The following DAAM1 variants were observed in gnomAD, a reference collection of about 807,000 sequenced individuals.
DAAM1 encodes the protein disheveled-associated activator of morphogenesis 1.
DAAM1 carries 52 observed loss-of-function variants against 130.0 expected under a neutral mutation model. The ratio of observed to expected loss-of-function variants is 0.40; its 90% CI spans 0.32 to 0.50. DAAM1 has a LOEUF of 0.50. DAAM1 is among the 20% of genes least tolerant of loss of function. The pLI, the probability that DAAM1 is intolerant of heterozygous loss-of-function variation, is 0.61. For missense variants in DAAM1, 1,134 were observed against 1,303.8 expected (o/e 0.87, Z 2.01); for synonymous variants, 452 against 444.5 (o/e 1.02, Z -0.21).
intron 1 of DAAM1, among the ~76,000 whole-genome samples, chr14:59,227,112 A>G (rs1259199931): frequency 7.2e-5 from 11 of 152,214 alleles, no homozygotes. Context: ...TAAAATGATT[A>G]TATGGTATAC....
rs537964605 is a variant in DAAM1, at chr14:59,361,841, G to A, written c.2694+979G>A. ...CAGCTTGGAAAGGTGCCTCTCATAA[G>A]TATCCTTCAGATCATTTATCAGTAA... On this transcript the variant is annotated intron_variant, in intron 22 of 24. Transcript: ENST00000360909. Among the ~76,000 whole-genome samples, 667 of 152,298 alleles carry A rather than the reference G, an allele frequency of 4.4e-3. 2 individuals carry two copies. The highest frequency in any genetic ancestry group is 0.015 in the African/African-American group (628 of 41,554).
intron 19 of DAAM1, among the ~76,000 whole-genome samples, chr14:59,354,537 A>G (rs1346258717): frequency 1.3e-5 from 2 of 152,176 alleles, no homozygotes; most frequent in Non-Finnish European, 2.9e-5. Flanking sequence ...AGTTAATCTC[A>G]CTGCTACTAG....
chr14:59,284,361 A>C (rs530802652), intron 2 of DAAM1, among the ~76,000 whole-genome samples: 1 of 152,138 alleles, frequency 6.6e-6, no homozygotes, highest in Non-Finnish European at 1.5e-5. Flanking sequence ...TCCTAAGCCT[A>C]CATGTCCATG....
At chr14:59,199,120 T>C (rs1402845335) in intron 1 of DAAM1, among the ~76,000 whole-genome samples, 7 of 152,198 alleles carry the variant, frequency 4.6e-5, no homozygotes, top group Non-Finnish European at 1.0e-4. Context: ...TGTCCTGAGA[T>C]CCTGTTCTTG....
intron 1 of DAAM1, among the ~76,000 whole-genome samples, chr14:59,191,852 A>G (rs577800479): frequency 1.0e-3 from 156 of 152,298 alleles, no homozygotes; most frequent in Non-Finnish European, 2.0e-3. Context: ...CTGGGAGACA[A>G]TAGTCCTCTC....
intron 16 of DAAM1, among the ~76,000 whole-genome samples, chr14:59,345,389 A>T (rs1886032494): frequency 6.6e-6 from 1 of 152,148 alleles, no homozygotes; most frequent in Non-Finnish European, 1.5e-5. Flanking sequence ...AACGGGCCTT[A>T]TTTGTCAGCT....
chr14:59,323,314 C>T, intron 6 of DAAM1, 89 bp downstream of exon 6: 5 of 1,327,880 alleles, frequency 3.8e-6, no homozygotes, highest in African/African-American at 1.5e-5. Flanking sequence ...GGGAATGTTA[C>T]TTGAGATGTC....
intron 1 of DAAM1, among the ~76,000 whole-genome samples, chr14:59,203,158 A>ATTTTTTTTTTTTTTTTTTT (rs57437992): frequency 4.6e-5 from 5 of 108,114 alleles, no homozygotes; most frequent in Non-Finnish European, 9.2e-5. Context: ...CTTCTGGCTA[A>ATTTTTTTTTTTTTTTTTTT]TTTTTTTTTT....
chr14:59,263,499 G>A lies in DAAM1; in HGVS notation c.22G>A (p.Gly8Arg), dbSNP rs1455635429. The A allele has an allele frequency of 1.2e-6, 2 of 1,614,212 alleles. No individual in the cohort carries two copies. The highest frequency in any genetic ancestry group is 1.1e-5 in the South Asian group (1 of 91,084). The change falls in exon 2 of 25, where the codon GGA (glycine) becomes AGA (arginine). Residue 8 changes from glycine (G) to arginine (R), a missense_variant. By Grantham distance (125) the Gly-to-Arg change is moderately radical (BLOSUM62 -2). Coordinates refer to ENST00000360909, the MANE Select transcript of DAAM1 (RefSeq NM_001270520.2). ...AGCCATGGCCCCAAGAAAGAGAGGT[G>A]GACGAGGTATTTCATTCATCTTTTG... MAPRKRGGRGISFIFCCF... is the reference protein window; with the variant it reads MAPRKRGRRGISFIFCCF...
intron 17 of DAAM1, among the ~76,000 whole-genome samples, chr14:59,351,905 A>T (rs757318680): frequency 4.3e-4 from 65 of 152,282 alleles, no homozygotes; most frequent in Non-Finnish European, 5.3e-4. Context: ...TTTCTTCCAC[A>T]TCCCATGCTC....
intron 2 of DAAM1, among the ~76,000 whole-genome samples, chr14:59,282,985 G>A (rs569902920): frequency 6.6e-6 from 1 of 152,110 alleles, no homozygotes; most frequent in South Asian, 2.1e-4. Flanking sequence ...TAGTTCATAT[G>A]TGTTCTTTCA....
At chr14:59,288,212 T>C (rs1883549098) in intron 2 of DAAM1, among the ~76,000 whole-genome samples, 1 of 152,182 alleles carries the variant, frequency 6.6e-6, no homozygotes, top group Non-Finnish European at 1.5e-5. Flanking sequence ...GATAACTGTC[T>C]AGCCATAGGC....
chr14:59,316,639 T>C (rs184994919), intron 4 of DAAM1, among the ~76,000 whole-genome samples: 212 of 152,358 alleles, frequency 1.4e-3, no homozygotes, highest in African/African-American at 4.7e-3. Flanking sequence ...AGCATTTGTA[T>C]GAATATGCTA....
At position 59,275,945 on chromosome 14, in the gene DAAM1, A is replaced by C. The variant is rs539763286; in HGVS notation, c.183+12285A>C. Among the ~76,000 whole-genome samples, 3 of 152,204 alleles carry C rather than the reference A, an allele frequency of 2.0e-5. No homozygotes were observed. In the South Asian group the frequency reaches 6.2e-4, roughly 32 times the overall value. On this transcript the variant is annotated intron_variant, in intron 2 of 24. Coordinates refer to ENST00000360909, the MANE Select transcript of DAAM1 (RefSeq NM_001270520.2). The stretch of plus-strand genomic sequence containing the variant: ...ATATTGGCAGAAATTTTACAGGCTG[A>C]AAACCTCCAAGGTTTGTTCTCTGTG...
chr14:59,292,119 T>G (rs547006721), intron 3 of DAAM1, among the ~76,000 whole-genome samples: 79 of 152,188 alleles, frequency 5.2e-4, no homozygotes, highest in African/African-American at 1.9e-3. Flanking sequence ...TGGGGACTCC[T>G]TCTGTTCATG....
At chr14:59,213,907 T>C (rs1168013859) in intron 1 of DAAM1, among the ~76,000 whole-genome samples, 1 of 152,240 alleles carries the variant, frequency 6.6e-6, no homozygotes, top group Non-Finnish European at 1.5e-5. Flanking sequence ...CTGCCATCTT[T>C]CCTGGATTTC....
chr14:59,235,515 G>A (rs964575558), intron 1 of DAAM1, among the ~76,000 whole-genome samples: 1 of 151,830 alleles, frequency 6.6e-6, no homozygotes, highest in Non-Finnish European at 1.5e-5. Context: ...TTTATTGTGT[G>A]TATTTGATTT....
chr14:59,277,876 C>G (rs932158712), intron 2 of DAAM1, among the ~76,000 whole-genome samples: 1 of 152,116 alleles, frequency 6.6e-6, no homozygotes, highest in African/African-American at 2.4e-5. Flanking sequence ...TGATCTGGTA[C>G]AGTAGTCCTC....
intron 1 of DAAM1, among the ~76,000 whole-genome samples, chr14:59,192,286 G>A (rs1224594629): frequency 6.6e-6 from 1 of 152,056 alleles, no homozygotes; most frequent in Admixed American, 6.6e-5. Flanking sequence ...AGTTCTGATT[G>A]AAAGTGTTTC....
Sources: gnomAD v4.1 joint callset for allele counts (sites outside exome capture counted in the v4.1 genomes callset) on GRCh38, gnomAD v4.1.1 for gene constraint, MANE v1.5 for transcripts, NCBI Gene and HGNC (gene_info 2026-07-23, HGNC 2026-07-21) for gene names.